Variants in CUX1 observed in about 807,000 individuals in gnomAD.
CUX1 encodes the protein protein CASP.
A neutral mutation model predicts 158.8 loss-of-function variants in CUX1; 31 were observed. The ratio of observed to expected loss-of-function variants is 0.20; its 90% CI spans 0.15 to 0.26. The LOEUF (loss-of-function observed/expected upper bound fraction) is 0.26. Among genes scored for constraint, CUX1 ranks in the 10% least tolerant of loss-of-function variants. CUX1 has a pLI of 1.00. For missense variants in CUX1, 1,589 were observed against 2,014.6 expected (o/e 0.79, Z 4.04); for synonymous variants, 879 against 862.1 (o/e 1.02, Z -0.34).
At position 102,250,115 on chromosome 7, in the gene CUX1, A is replaced by ACCTCTAACC; in HGVS notation, c.*1074_*1082dup. The ACCTCTAACC allele has an allele frequency of 1.0e-6, 1 of 985,470 alleles. No individual in the cohort carries two copies. Among genetic ancestry groups the ACCTCTAACC allele is most frequent in the Non-Finnish European group, 1.2e-6 (1 of 829,944 alleles). The allele number at this position is 985,470 out of a possible 1,614,324, so 61.0% of individuals were successfully genotyped here. A position where few individuals can be genotyped will look rare whatever the true frequency, so the allele number is the denominator to read the frequency against. On this transcript the variant is annotated 3_prime_UTR_variant, in exon 24 of 24. Transcript: ENST00000292535. ...TAGGTATTTTATAATCTGCTTTTTA[A>ACCTCTAACC]CCTCTAACCGCAGAGCACGCTGATC...
intron 2 of CUX1, among the ~76,000 whole-genome samples, chr7:101,956,861 A>T (rs1669993892): frequency 6.6e-6 from 1 of 152,174 alleles, no homozygotes; most frequent in Non-Finnish European, 1.5e-5. Context: ...AGGCGGGAGG[A>T]TCGCTTGAGC....
intron 20 of CUX1, among the ~76,000 whole-genome samples, chr7:102,219,387 C>G (rs545731099): frequency 6.6e-6 from 1 of 152,238 alleles, no homozygotes; most frequent in Admixed American, 6.5e-5. Flanking sequence ...CCTCCTCCCC[C>G]ACACCCCCTA....
intron 1 of CUX1, among the ~76,000 whole-genome samples, chr7:101,843,503 A>G (rs990666394): frequency 1.3e-5 from 2 of 152,006 alleles, no homozygotes; most frequent in Non-Finnish European, 2.9e-5. Context: ...TTATTCTTCT[A>G]GAGCTCAGAA....
Position 102,101,333 on chromosome 7 carries a change from TG to T in CUX1, c.407-3001del, listed in dbSNP as rs1258452186. ...CCCTTTAGATTCCTCTCTGTTATGC[TG>T]GCCCCGTCCTCCCCTACACATGCCT... is the stretch of plus-strand genomic sequence containing the variant. On this transcript the variant is annotated intron_variant, in intron 5 of 23. Coordinates refer to ENST00000292535, the MANE Select transcript of CUX1 (RefSeq NM_181552.4). Among the ~76,000 whole-genome samples the T allele has an allele frequency of 2.6e-5, 4 of 152,294 alleles. No individual in the cohort carries two copies. The South Asian group carries it at 8.3e-4, about 32-fold the overall frequency.
In CUX1 at chr7:102,257,030, G is replaced by A. The variant is rs1290617767; in HGVS notation, c.*7988G>A. 1 of 985,272 alleles carries A rather than the reference G, an allele frequency of 1.0e-6. No individual in the cohort carries two copies. Among genetic ancestry groups the A allele is most frequent in the Non-Finnish European group, 1.2e-6 (1 of 829,958 alleles). The allele number at this position is 985,272 out of a possible 1,614,324, so 61.0% of individuals were successfully genotyped here. A position where few individuals can be genotyped will look rare whatever the true frequency, so the allele number is the denominator to read the frequency against. On this transcript the variant is annotated 3_prime_UTR_variant, in exon 24 of 24. Transcript: ENST00000292535. ...AACGTGGAGGAAGGTTGGGTGTGGA[G>A]ATTGCTTGCTGTGGCCCCAAGCTCA... is the stretch of plus-strand genomic sequence containing the variant.
At chr7:101,949,228 T>C (rs1456299232) in intron 2 of CUX1, among the ~76,000 whole-genome samples, 2 of 151,796 alleles carry the variant, frequency 1.3e-5, no homozygotes, top group Non-Finnish European at 2.9e-5. Context: ...ACCTCCTGGG[T>C]TCACGCCATT....
At chr7:102,173,353 T>A (rs1341406731) in intron 10 of CUX1, among the ~76,000 whole-genome samples, 1 of 152,140 alleles carries the variant, frequency 6.6e-6, no homozygotes, top group Admixed American at 6.5e-5. Context: ...AGACTCCATC[T>A]CAAAACAAAA....
chr7:102,276,699 A>G (rs1554547821), intron 17 of CUX1, among the ~76,000 whole-genome samples: 1 of 152,212 alleles, frequency 6.6e-6, no homozygotes, highest in East Asian at 1.9e-4. Flanking sequence ...AGATTGGCAA[A>G]TATTAAAACC....
chr7:101,841,078 A>G (rs1795152711), intron 1 of CUX1, among the ~76,000 whole-genome samples: 1 of 151,996 alleles, frequency 6.6e-6, no homozygotes, highest in Admixed American at 6.6e-5. Flanking sequence ...TATTTTTAAT[A>G]GAGACGGGGT....
intron 1 of CUX1, among the ~76,000 whole-genome samples, chr7:101,915,202 C>T (rs1051034137): frequency 4.6e-5 from 7 of 152,112 alleles, no homozygotes; most frequent in East Asian, 1.9e-4. Context: ...TGTCCTTGGG[C>T]GCCTGCTGTC....
intron 16 of CUX1, among the ~76,000 whole-genome samples, chr7:102,274,914 C>T (rs1165112484): frequency 6.6e-6 from 1 of 152,218 alleles, no homozygotes; most frequent in Non-Finnish European, 1.5e-5. Flanking sequence ...TAGGCCTAGT[C>T]TGACAGCTGC....
chr7:101,931,707 G>A (rs920777560), intron 2 of CUX1, among the ~76,000 whole-genome samples: 4 of 152,294 alleles, frequency 2.6e-5, no homozygotes, highest in African/African-American at 9.6e-5. Flanking sequence ...GGGGCTACAG[G>A]CATGCACCAT....
intron 23 of CUX1, 106 bp downstream of exon 23, chr7:102,239,690 G>T: frequency 7.5e-7 from 1 of 1,339,878 alleles, no homozygotes; most frequent in South Asian, 1.5e-5. Flanking sequence ...CGGAGGTGGG[G>T]CGCTGGGAGC....
rs1310712812 is a variant in CUX1 at position 102,256,138 on chromosome 7, C to A, written c.*7096C>A. ...AGGGCCCGCGGGCTCTGGCCGGAGC[C>A]GCTGGCCTGACGAGGCAGGATAGGG... On this transcript the variant is annotated 3_prime_UTR_variant, in exon 24 of 24. Coordinates refer to ENST00000292535, the MANE Select transcript of CUX1 (RefSeq NM_181552.4). 1.0e-6 allele frequency: 1 copy of A among 985,298 alleles called. No homozygotes were observed. The highest frequency in any genetic ancestry group is 1.7e-5 in the African/African-American group (1 of 57,226). The allele number at this position is 985,298 out of a possible 1,614,324, so 61.0% of individuals were successfully genotyped here.
chr7:102,155,478 A>G (rs1314748714), intron 8 of CUX1, among the ~76,000 whole-genome samples: 2 of 151,870 alleles, frequency 1.3e-5, no homozygotes, highest in Non-Finnish European at 2.9e-5. Context: ...CCCAAGAGGC[A>G]GAGGTTGCAG....
intron 1 of CUX1, among the ~76,000 whole-genome samples, chr7:101,900,722 G>A (rs1467020408): frequency 6.6e-6 from 1 of 152,010 alleles, no homozygotes; most frequent in African/African-American, 2.4e-5. Context: ...ACAGGTAGAG[G>A]TCTAGTGCAA....
chr7:101,956,572 C>CA (rs1459323573), intron 2 of CUX1, among the ~76,000 whole-genome samples: 1 of 152,170 alleles, frequency 6.6e-6, no homozygotes, highest in Non-Finnish European at 1.5e-5. Flanking sequence ...GTTTTGAAAA[C>CA]AGTTACCTTG....
rs2129333125 is a variant in CUX1, at chr7:102,028,162, A to G, written c.189+17A>G. On this transcript the variant is annotated intron_variant, in intron 3 of 23. Coordinates refer to ENST00000292535, the MANE Select transcript of CUX1 (RefSeq NM_181552.4). ...CAAGGAGAGGTAAGCTTTTCTATTC[A>G]TTTTCTATCCTGAGCCACCCTTCGT... 6.2e-7 allele frequency: 1 copy of G among 1,613,048 alleles called. No individual in the cohort carries two copies. Among genetic ancestry groups the G allele is most frequent in the Non-Finnish European group, 8.5e-7 (1 of 1,179,726 alleles).
At chr7:102,210,511 G>A (rs2132130797) in intron 20 of CUX1, among the ~76,000 whole-genome samples, 1 of 152,284 alleles carries the variant, frequency 6.6e-6, no homozygotes, top group South Asian at 2.1e-4. Flanking sequence ...ACCATACCCG[G>A]CCACTTTGTA....
Sources: gnomAD v4.1 joint callset for allele counts (sites outside exome capture counted in the v4.1 genomes callset) on GRCh38, gnomAD v4.1.1 for gene constraint, MANE v1.5 for transcripts, NCBI Gene and HGNC (gene_info 2026-07-23, HGNC 2026-07-21) for gene names.